ODF2: variants seen among roughly 807,000 people sequenced by gnomAD.
ODF2 encodes the protein outer dense fiber protein 2.
In ODF2, 47 loss-of-function variants were observed where a neutral mutation model predicts 110.2. The ratio of observed to expected loss-of-function variants is 0.43; its 90% CI spans 0.34 to 0.54. The LOEUF (loss-of-function observed/expected upper bound fraction) is 0.54. Ranked by LOEUF, ODF2 falls within the 20% of genes least tolerant of loss-of-function variation. The pLI is 0.03. For missense variants in ODF2, 812 were observed against 1,054.5 expected (o/e 0.77, Z 3.19); for synonymous variants, 352 against 397.7 (o/e 0.89, Z 1.37).
At chr9:128,487,067 C>CCTCT (rs753320019) in intron 13 of ODF2, among the ~76,000 whole-genome samples, 49 of 150,692 alleles carry the variant, frequency 3.3e-4, no homozygotes, top group Non-Finnish European at 5.3e-4. Flanking sequence ...GGTACACATC[C>CCTCT]CTCTCTCTCT....
chr9:128,473,288 A>C, intron 7 of ODF2: 2 of 980,230 alleles, frequency 2.0e-6, no homozygotes, highest in Non-Finnish European at 2.4e-6. Context: ...ACAGTGAGTC[A>C]AGGCATGTGG....
At chr9:128,457,252 A>G (rs1455522827) in exon 2 of ODF2, 3 of 1,596,544 alleles carry the variant, frequency 1.9e-6, no homozygotes, top group African/African-American at 2.7e-5. Flanking sequence ...TTTTCATCCA[A>G]CTGCCAACCC....
intron 13 of ODF2, among the ~76,000 whole-genome samples, chr9:128,487,209 A>G (rs111396465): frequency 0.22 from 32,986 of 152,082 alleles, 3,786 homozygotes; most frequent in East Asian, 0.39. Flanking sequence ...GGCCTCCCAA[A>G]GCACTGGGAT....
chr9:128,488,376 G>T (rs966135557), intron 14 of ODF2, among the ~76,000 whole-genome samples: 3 of 152,168 alleles, frequency 2.0e-5, no homozygotes, highest in African/African-American at 7.2e-5. Context: ...GGTGAGCCGA[G>T]ATCGCCCCAC....
chr9:128,499,144 G>T lies in ODF2; in HGVS notation c.2301+18G>T. Reference sequence around the variant, plus strand: ...GTGATGATGTGAGTCAGGCTGGTGGGCCGGGCTAGGAGAGTGGGCAGCAGA... The same window carrying T: ...GTGATGATGTGAGTCAGGCTGGTGGTCCGGGCTAGGAGAGTGGGCAGCAGA... On this transcript the variant is annotated intron_variant, in intron 20 of 20. Coordinates refer to ENST00000604420, the Ensembl canonical transcript of ODF2. 1 of 1,613,946 alleles carries T rather than the reference G, an allele frequency of 6.2e-7. No homozygotes were observed. Among genetic ancestry groups the T allele is most frequent in the Non-Finnish European group, 8.5e-7 (1 of 1,179,924 alleles).
intron 19 of ODF2, among the ~76,000 whole-genome samples, 197 bp downstream of exon 19, chr9:128,498,772 C>T (rs570504579): frequency 6.6e-6 from 1 of 152,344 alleles, no homozygotes; most frequent in African/African-American, 2.4e-5. Flanking sequence ...CCCTCTTGAG[C>T]CTCACATAGG....
At position 128,456,301 on chromosome 9, in the gene ODF2, G is replaced by A. The variant is rs1450238916; in HGVS notation, c.-209+46G>A. On this transcript the variant is annotated intron_variant, in intron 1 of 20. Coordinates refer to ENST00000604420, the Ensembl canonical transcript of ODF2. ...GGGATCCAGCGCCCTCCGGGGCACC[G>A]CGGGCGAGACCGTCGCCTTCGCACC... 2.7e-6 allele frequency: 4 copies of A among 1,503,450 alleles called. No homozygotes were observed. In the Admixed American group the frequency reaches 1.0e-4, roughly 38 times the overall value. 93.1% of individuals were successfully genotyped at this position (1,503,450 alleles called of 1,614,324 possible).
At chr9:128,478,405 C>T (rs1206369326) in intron 8 of ODF2, among the ~76,000 whole-genome samples, 3 of 152,078 alleles carry the variant, frequency 2.0e-5, no homozygotes, top group African/African-American at 7.2e-5. Context: ...TGAGACCAGC[C>T]TGGGCAACAC....
In ODF2 at chr9:128,494,907, G is replaced by A; in HGVS notation, c.1911+239G>A. Reference sequence around the variant, plus strand: ...TTGCGTGGAGTCACTGGGCCCTCCTGCTGTTGCCCCCACCCAAGACTGCTG... The same window carrying A: ...TTGCGTGGAGTCACTGGGCCCTCCTACTGTTGCCCCCACCCAAGACTGCTG... On this transcript the variant is annotated intron_variant, in intron 17 of 20. Transcript: ENST00000604420. This position sits in a 1 kb window ranked among gnomAD's most constrained non-coding sequence, Gnocchi z 4.6. 1 of 1,352,792 alleles carries A rather than the reference G, an allele frequency of 7.4e-7. No homozygotes were observed. The highest frequency in any genetic ancestry group is 2.7e-5 in the Admixed American group (1 of 37,662). 83.8% of individuals were successfully genotyped at this position (1,352,792 alleles called of 1,614,324 possible). A position where few individuals can be genotyped will look rare whatever the true frequency, so the allele number is the denominator to read the frequency against.
At chr9:128,487,818 CACA>C (rs1280946873) in intron 13 of ODF2, 69 bp from the exon 14 acceptor site, 1 of 1,533,792 alleles carries the variant, frequency 6.5e-7, no homozygotes, top group Non-Finnish European at 8.9e-7. Context: ...CACACACACA[CACA>C]CACACACACA....
intron 18 of ODF2, chr9:128,498,072 T>C (rs1338481617): frequency 5.8e-6 from 1 of 173,856 alleles, no homozygotes; most frequent in African/African-American, 2.4e-5. Flanking sequence ...AATTCCCCTC[T>C]CTGAGGCTCA....
chr9:128,487,804 AACAC>A (rs5900801), intron 13 of ODF2, 82 bp from the exon 14 acceptor site: 99 of 78,704 alleles, frequency 1.3e-3, no homozygotes, highest in African/African-American at 3.6e-3. Flanking sequence ...AAACAAACAA[AACAC>A]ACACACACAC....
intron 13 of ODF2, among the ~76,000 whole-genome samples, chr9:128,487,615 G>A (rs940510614): frequency 2.0e-5 from 3 of 152,014 alleles, no homozygotes; most frequent in African/African-American, 7.2e-5. Context: ...GTGAAACCCC[G>A]TCTCTACTAA....
rs186778823 is a variant in ODF2 at position 128,485,235 on chromosome 9, A to G, written c.1291-130A>G. 4.6e-5 allele frequency: 29 copies of G among 627,406 alleles called. No homozygotes were observed. The African/African-American group carries it at 5.3e-4, about 12-fold the overall frequency. 38.9% of individuals were successfully genotyped at this position (627,406 alleles called of 1,614,324 possible). On this transcript the variant is annotated intron_variant, in intron 12 of 20. Coordinates refer to ENST00000604420, the Ensembl canonical transcript of ODF2. The surrounding 1 kb of genome is among the most constrained non-coding windows in gnomAD (Gnocchi z 5.0). ...CCCACTGTTGCTTCCAGCGCCCTCTAGAAAGGTGAATTCCAGAATGAGGTT... is the reference window on the plus strand; with the variant it reads ...CCCACTGTTGCTTCCAGCGCCCTCTGGAAAGGTGAATTCCAGAATGAGGTT...
chr9:128,477,095 T>C (rs1264501501), intron 8 of ODF2, among the ~76,000 whole-genome samples: 1 of 150,754 alleles, frequency 6.6e-6, no homozygotes, highest in Admixed American at 6.6e-5. Flanking sequence ...AATACAAAAA[T>C]GTGATGGGTA....
chr9:128,476,831 G>A (rs893851127), intron 8 of ODF2, among the ~76,000 whole-genome samples: 7 of 151,296 alleles, frequency 4.6e-5, no homozygotes, highest in African/African-American at 1.5e-4. Context: ...TAGAGATGAG[G>A]TTTCACTGTG....
chr9:128,457,554 C>T, intron 2 of ODF2: 2 of 1,325,970 alleles, frequency 1.5e-6, no homozygotes, highest in Non-Finnish European at 2.0e-6. Flanking sequence ...AAAGTCTGGA[C>T]CAAAACGTTT....
At chr9:128,491,088 A>G (rs1377887265) in intron 14 of ODF2, among the ~76,000 whole-genome samples, 2 of 151,430 alleles carry the variant, frequency 1.3e-5, no homozygotes, top group Non-Finnish European at 2.9e-5. Context: ...CCAGACCTCC[A>G]GGCTGGAGTG....
chr9:128,465,130 G>A (rs888792375), intron 4 of ODF2, among the ~76,000 whole-genome samples: 11 of 152,264 alleles, frequency 7.2e-5, no homozygotes, highest in African/African-American at 2.4e-4. Context: ...AATCCTAGAG[G>A]TGGAAGGTCC....
Sources: gnomAD v4.1 joint callset for allele counts (sites outside exome capture counted in the v4.1 genomes callset) on GRCh38, gnomAD v4.1.1 for gene constraint, Gnocchi (gnomAD v3.1) non-coding constraint, MANE v1.5 for transcripts, NCBI Gene and HGNC (gene_info 2026-07-23, HGNC 2026-07-21) for gene names.